GRHL2: variants seen among roughly 807,000 people sequenced by gnomAD.
The protein encoded by GRHL2 is grainyhead like transcription factor 2, also known as grainyhead-like protein 2 homolog.
A neutral mutation model predicts 83.8 loss-of-function variants in GRHL2; 21 were observed. The ratio of observed to expected loss-of-function variants is 0.25; its 90% confidence interval spans 0.18 to 0.36. GRHL2 has a LOEUF of 0.36. Ranked by LOEUF, GRHL2 falls within the 10% of genes least tolerant of loss-of-function variation. The pLI is 1.00. For synonymous variants in GRHL2, 280 were observed against 278.9 expected (o/e 1.00, Z -0.04); for missense variants, 623 against 781.8 (o/e 0.80, Z 2.42).
At chr8:101,492,841 T>A in intron 1 of GRHL2, 52 bp downstream of exon 1, 1 of 1,546,454 alleles carries the variant, frequency 6.5e-7, no homozygotes. Context: ...TTTGGGCTGA[T>A]GGCAACTGGT....
At chr8:101,565,221 A>G (rs903976771) in intron 4 of GRHL2, among the ~76,000 whole-genome samples, 2 of 152,242 alleles carry the variant, frequency 1.3e-5, no homozygotes, top group East Asian at 1.9e-4. Context: ...ATAGTTGATA[A>G]ATATACAATG....
chr8:101,571,490 T>TAA (rs55827087), intron 5 of GRHL2, among the ~76,000 whole-genome samples: 12,735 of 131,234 alleles, frequency 0.097, 1,115 homozygotes, highest in African/African-American at 0.23. Context: ...CCCCATTACA[T>TAA]AAAAAAAAAA....
At chr8:101,566,740 A>G (rs958211659) in intron 4 of GRHL2, among the ~76,000 whole-genome samples, 3 of 151,950 alleles carry the variant, frequency 2.0e-5, no homozygotes, top group African/African-American at 7.2e-5. Context: ...TCTGTTAGGA[A>G]CATTAAGGTT....
intron 12 of GRHL2, among the ~76,000 whole-genome samples, chr8:101,640,827 G>T (rs2129652855): frequency 6.6e-6 from 1 of 152,270 alleles, no homozygotes; most frequent in East Asian, 1.9e-4. Context: ...TTTCCAGGCT[G>T]CTTGGGATGC....
chr8:101,602,313 G>A (rs1477387432), intron 8 of GRHL2, among the ~76,000 whole-genome samples: 1 of 152,250 alleles, frequency 6.6e-6, no homozygotes, highest in Non-Finnish European at 1.5e-5. Context: ...CACAGTGGAA[G>A]TGTTTGTGAT....
Position 101,558,771 on chromosome 8 carries a change from G to C in GRHL2, c.637G>C (p.Asp213His), listed in dbSNP as rs548008385. 1.2e-6 allele frequency: 2 copies of C among 1,614,144 alleles called. No homozygotes were observed. The highest frequency in any genetic ancestry group is 2.2e-5 in the South Asian group (2 of 91,080). Residue 213 changes from aspartate (D) to histidine (H), a missense_variant, in exon 4 of 16, where the codon GAC becomes CAC. By Grantham distance (81) the Asp-to-His change is moderately conservative. Coordinates refer to ENST00000646743, the MANE Select transcript of GRHL2 (RefSeq NM_024915.4). ...CAAAGACGACCAGCGCAGCACTCCG[G>C]ACAGCACATACAGCGAGAGCTTCAA... ...YLKDDQRSTP[D>H]STYSESFKDA...
In GRHL2 at chr8:101,542,134, T is replaced by A. The variant is rs141078634; in HGVS notation, c.21-1107T>A. Among the ~76,000 whole-genome samples, 921 of 152,354 alleles carry A rather than the reference T, an allele frequency of 6.0e-3. 10 individuals carry two copies. The highest frequency in any genetic ancestry group is 0.021 in the African/African-American group (869 of 41,580). ...GTTGGTCTATAATTTGCTAGTAATT[T>A]CAAGTATAGATTAAACTAGATAAAA... On this transcript the variant is annotated intron_variant, in intron 1 of 15. Transcript: ENST00000646743.
In GRHL2 at chr8:101,585,482, C is replaced by T. The variant is rs140582363; in HGVS notation, c.1003+7963C>T. On this transcript the variant is annotated intron_variant, in intron 7 of 15. Coordinates refer to ENST00000646743, the MANE Select transcript of GRHL2 (RefSeq NM_024915.4). ...TGTAGTTGGAGCTCAGTCAGAAGAGCGAGCTCCATCCCCACGTCCTCCATA... is the reference window on the plus strand; with the variant it reads ...TGTAGTTGGAGCTCAGTCAGAAGAGTGAGCTCCATCCCCACGTCCTCCATA... 4.6e-3 allele frequency among the ~76,000 whole-genome samples: 707 copies of T among 152,248 alleles called. 3 individuals carry two copies. The highest frequency in any genetic ancestry group is 0.017 in the Middle Eastern group (5 of 294).
chr8:101,657,007 T>C (rs904992728), intron 14 of GRHL2, among the ~76,000 whole-genome samples: 7 of 152,162 alleles, frequency 4.6e-5, no homozygotes, highest in African/African-American at 1.7e-4. Flanking sequence ...TCAATGAAGC[T>C]AGCTGATGTC....
At chr8:101,536,736 C>T (rs1444326974) in intron 1 of GRHL2, among the ~76,000 whole-genome samples, 3 of 152,162 alleles carry the variant, frequency 2.0e-5, no homozygotes, top group Non-Finnish European at 4.4e-5. Flanking sequence ...GTGTTGAAGA[C>T]ATTGATTTTA....
rs893622856 is a variant in GRHL2 at position 101,668,887 on chromosome 8, T to G, written c.*2184T>G. ...CTCTCCAGCCTCTTTATGAAACTGTTTGTTTGCCAGTCCTGCCCTAAGGCA... is the reference window on the plus strand; with the variant it reads ...CTCTCCAGCCTCTTTATGAAACTGTGTGTTTGCCAGTCCTGCCCTAAGGCA... On this transcript the variant is annotated 3_prime_UTR_variant, in exon 16 of 16. Transcript: ENST00000646743. 6.6e-6 allele frequency: 1 copy of G among 152,032 alleles called. No homozygotes were observed. Among genetic ancestry groups the G allele is most frequent in the Non-Finnish European group, 1.5e-5 (1 of 67,968 alleles). 9.4% of individuals were successfully genotyped at this position (152,032 alleles called of 1,614,324 possible). A position where few individuals can be genotyped will look rare whatever the true frequency, so the allele number is the denominator to read the frequency against.
At position 101,499,391 on chromosome 8, in the gene GRHL2, T is replaced by A. The variant is rs140025128; in HGVS notation, c.20+6602T>A. ...AAACTAACATTTTCTTCTTGTTCCCTCCTTCCCTTCTTTCCTTCCTTGGTT... is the reference window on the plus strand; with the variant it reads ...AAACTAACATTTTCTTCTTGTTCCCACCTTCCCTTCTTTCCTTCCTTGGTT... On this transcript the variant is annotated intron_variant, in intron 1 of 15. Coordinates refer to ENST00000646743, the MANE Select transcript of GRHL2 (RefSeq NM_024915.4). Among the ~76,000 whole-genome samples, 502 of 152,298 alleles carry A rather than the reference T, an allele frequency of 3.3e-3. 8 individuals carry two copies. The highest frequency in any genetic ancestry group is 0.011 in the African/African-American group (472 of 41,554).
chr8:101,518,477 A>T (rs1033618842), intron 1 of GRHL2, among the ~76,000 whole-genome samples: 1 of 152,166 alleles, frequency 6.6e-6, no homozygotes, highest in East Asian at 1.9e-4. Flanking sequence ...GGGTACCAGG[A>T]GTAGTACCCA....
chr8:101,662,428 G>A (rs942792320), intron 14 of GRHL2, among the ~76,000 whole-genome samples: 4 of 152,220 alleles, frequency 2.6e-5, no homozygotes, highest in African/African-American at 9.6e-5. Context: ...GGGTGAGATA[G>A]ATGGAAGGGT....
chr8:101,515,676 G>A (rs1810559262), intron 1 of GRHL2, among the ~76,000 whole-genome samples: 1 of 152,176 alleles, frequency 6.6e-6, no homozygotes, highest in Admixed American at 6.5e-5. Flanking sequence ...GAGATAGGGT[G>A]TCCAGGAAAG....
chr8:101,664,650 A>G, intron 15 of GRHL2, 132 bp downstream of exon 15: 1 of 693,720 alleles, frequency 1.4e-6, no homozygotes, highest in Non-Finnish European at 2.6e-6. Flanking sequence ...CTTCTTCCAG[A>G]GAATTGCAGA....
At chr8:101,623,724 C>T (rs1489421537) in intron 9 of GRHL2, among the ~76,000 whole-genome samples, 3 of 151,932 alleles carry the variant, frequency 2.0e-5, no homozygotes, top group African/African-American at 7.3e-5. Flanking sequence ...GTTTACAGTA[C>T]ACAGTAAAAC....
rs78183159 is a variant in GRHL2 at position 101,610,954 on chromosome 8, C to T, written c.1099-8585C>T. Among the ~76,000 whole-genome samples the T allele has an allele frequency of 2.3e-3, 345 of 150,698 alleles. 8 individuals carry two copies. The East Asian group carries it at 0.057, about 25-fold the overall frequency. On this transcript the variant is annotated intron_variant, in intron 8 of 15. Transcript: ENST00000646743. ...AGTCAGTACAAACTTTAGGCTCTTT[C>T]GATATTAAGGGCAGAAGGATAAGAA...
At chr8:101,662,069 CA>C (rs1399664719) in intron 14 of GRHL2, among the ~76,000 whole-genome samples, 2 of 152,164 alleles carry the variant, frequency 1.3e-5, no homozygotes, top group African/African-American at 4.8e-5. Context: ...TGCTCAACTT[CA>C]AAAAATGTTT....
Sources: allele counts gnomAD v4.1 joint callset (sites outside exome capture counted in the v4.1 genomes callset), GRCh38; gene constraint gnomAD v4.1.1; transcripts MANE v1.5; gene names NCBI Gene and HGNC (gene_info 2026-07-23, HGNC 2026-07-21).